The following TSHZ2 variants were observed in gnomAD, a reference collection of about 807,000 sequenced individuals.
TSHZ2 encodes the protein teashirt homolog 2.
In TSHZ2, 21 loss-of-function variants were observed where a neutral mutation model predicts 74.4. The observed-to-expected ratio is 0.28, with a 90% confidence interval of 0.20 to 0.41. The LOEUF is 0.41. TSHZ2 is among the 10% of genes least tolerant of loss of function. The probability of loss-of-function intolerance (pLI) is 1.00; values close to 1 mark genes in which losing one functional copy is unlikely to be tolerated. For missense variants in TSHZ2, 1,244 were observed against 1,293.5 expected (o/e 0.96, Z 0.59); for synonymous variants, 540 against 515.3 (o/e 1.05, Z -0.65).
intron 1 of TSHZ2, among the ~76,000 whole-genome samples, chr20:53,048,101 C>T (rs551801265): frequency 1.3e-5 from 2 of 152,266 alleles, no homozygotes; most frequent in Admixed American, 6.5e-5. Flanking sequence ...CCTTCCTCTC[C>T]GCTCAACATT....
chr20:53,223,049 A>G (rs918894966), intron 1 of TSHZ2, among the ~76,000 whole-genome samples: 22 of 152,182 alleles, frequency 1.4e-4, no homozygotes. Context: ...AGTGTTCAGT[A>G]TCTACAGGAG....
At chr20:53,163,358 C>CTTTTT (rs1987987628) in intron 1 of TSHZ2, among the ~76,000 whole-genome samples, 7 of 63,086 alleles carry the variant, frequency 1.1e-4, no homozygotes, top group Non-Finnish European at 2.1e-4. Context: ...CGCTCTCTGT[C>CTTTTT]TCTTTTTTTT....
intron 1 of TSHZ2, among the ~76,000 whole-genome samples, chr20:52,990,644 G>C (rs117196902): frequency 6.6e-6 from 1 of 152,082 alleles, no homozygotes; most frequent in Non-Finnish European, 1.5e-5. Flanking sequence ...AGAGCCCCCC[G>C]GATTTTGTGT....
At chr20:53,310,346 G>A (rs1978727211) in intron 2 of TSHZ2, among the ~76,000 whole-genome samples, 1 of 152,216 alleles carries the variant, frequency 6.6e-6, no homozygotes, top group African/African-American at 2.4e-5. Context: ...AGTAGGCCTT[G>A]AAACAGTCTT....
chr20:53,346,758 T>C (rs2145578971), intron 2 of TSHZ2, among the ~76,000 whole-genome samples: 1 of 152,354 alleles, frequency 6.6e-6, no homozygotes, highest in Admixed American at 6.5e-5. Flanking sequence ...TCATTGAGCA[T>C]GGATTTCCTA....
chr20:53,340,177 CTTTTTTCTTT>C (rs1555852080), intron 2 of TSHZ2, among the ~76,000 whole-genome samples: 2 of 94,080 alleles, frequency 2.1e-5, no homozygotes, highest in African/African-American at 9.0e-5. Context: ...ACTTTTCTTT[CTTTTTTCTTT>C]TTTTTTTTTT....
At chr20:52,974,401 G>A (rs1284672667) in intron 1 of TSHZ2, among the ~76,000 whole-genome samples, 1 of 152,202 alleles carries the variant, frequency 6.6e-6, no homozygotes, top group Non-Finnish European at 1.5e-5. Context: ...TATATTCAGA[G>A]CCAGACATGC....
chr20:53,012,175 C>T (rs188836160), intron 1 of TSHZ2, among the ~76,000 whole-genome samples: 141 of 152,264 alleles, frequency 9.3e-4, no homozygotes, highest in Middle Eastern at 3.4e-3. Flanking sequence ...CAGTGCTACC[C>T]AGGGCTGGCC....
intron 1 of TSHZ2, among the ~76,000 whole-genome samples, chr20:53,106,137 A>G (rs1029782493): frequency 1.3e-5 from 2 of 152,068 alleles, no homozygotes; most frequent in Admixed American, 6.6e-5. Flanking sequence ...TATAAAACAT[A>G]TTATTATTAA....
At chr20:53,379,604 T>C (rs1007297505) in intron 2 of TSHZ2, among the ~76,000 whole-genome samples, 3 of 152,174 alleles carry the variant, frequency 2.0e-5, no homozygotes, top group African/African-American at 4.8e-5. Context: ...GTGGACAGTC[T>C]CTTGGGATGT....
At chr20:53,443,801 G>A (rs555499331) in intron 2 of TSHZ2, among the ~76,000 whole-genome samples, 1 of 152,304 alleles carries the variant, frequency 6.6e-6, no homozygotes, top group African/African-American at 2.4e-5. Context: ...TTGTAGGGTA[G>A]GTCTGAGGAG....
At chr20:53,007,447 G>A (rs971038486) in intron 1 of TSHZ2, among the ~76,000 whole-genome samples, 1 of 152,222 alleles carries the variant, frequency 6.6e-6, no homozygotes, top group Non-Finnish European at 1.5e-5. Context: ...TATGGCATGA[G>A]TATAGGCCTT....
intron 2 of TSHZ2, among the ~76,000 whole-genome samples, chr20:53,357,685 A>G (rs1980896584): frequency 6.6e-6 from 1 of 152,206 alleles, no homozygotes; most frequent in Non-Finnish European, 1.5e-5. Context: ...GGATTAAAAT[A>G]GGCCTCTGAA....
At chr20:53,161,451 A>T (rs1309489178) in intron 1 of TSHZ2, among the ~76,000 whole-genome samples, 3 of 152,206 alleles carry the variant, frequency 2.0e-5, no homozygotes, top group Non-Finnish European at 4.4e-5. Flanking sequence ...CCGTTTTCAC[A>T]GTTCTATAAA....
intron 1 of TSHZ2, among the ~76,000 whole-genome samples, chr20:53,091,162 A>G (rs1985875346): frequency 6.6e-6 from 1 of 152,250 alleles, no homozygotes; most frequent in Non-Finnish European, 1.5e-5. Flanking sequence ...GTAATTTTGT[A>G]GCTATTATCG....
At position 53,471,273 on chromosome 20, in the gene TSHZ2, C is replaced by T. The variant is rs1214489005; in HGVS notation, c.*9-15871C>T. Among the ~76,000 whole-genome samples, 6 of 151,776 alleles carry T rather than the reference C, an allele frequency of 4.0e-5. No homozygotes were observed. The East Asian group carries it at 1.2e-3, about 29-fold the overall frequency. On this transcript the variant is annotated intron_variant, in intron 2 of 2. Transcript: ENST00000371497. ...ATACTTTAAAACCCTTCATGGTTTC[C>T]ATGTTAGAAAAGATAGGCTTCAAAT... is the stretch of plus-strand genomic sequence containing the variant.
chr20:53,152,930 C>T (rs1352183359), intron 1 of TSHZ2, among the ~76,000 whole-genome samples: 1 of 152,152 alleles, frequency 6.6e-6, no homozygotes, highest in African/African-American at 2.4e-5. Context: ...CAGTCCTGTG[C>T]AGGCAGGAAA....
chr20:53,159,819 A>T (rs1987885441), intron 1 of TSHZ2, among the ~76,000 whole-genome samples: 1 of 152,212 alleles, frequency 6.6e-6, no homozygotes, highest in African/African-American at 2.4e-5. Flanking sequence ...TGTCTATACC[A>T]TACTAAGCCA....
intron 1 of TSHZ2, among the ~76,000 whole-genome samples, chr20:53,155,851 A>T (rs1259764010): frequency 5.9e-5 from 9 of 152,228 alleles, no homozygotes; most frequent in Admixed American, 5.9e-4. Context: ...ATGAGAAAAC[A>T]TTCCATCACT....
Sources: allele counts gnomAD v4.1 joint callset (sites outside exome capture counted in the v4.1 genomes callset), GRCh38; gene constraint gnomAD v4.1.1; transcripts MANE v1.5; gene names NCBI Gene and HGNC (gene_info 2026-07-23, HGNC 2026-07-21).